Variants in ITGB5 observed in about 807,000 individuals in gnomAD.
ITGB5 encodes the protein integrin subunit beta 5, also known as integrin beta-5.
ITGB5 carries 38 observed loss-of-function variants against 84.8 expected under a neutral mutation model. The observed-to-expected ratio is 0.45, with a 90% CI of 0.35 to 0.59. The LOEUF is 0.59. Among genes scored for constraint, ITGB5 ranks in the 20% least tolerant of loss-of-function variants. The pLI is 0.01. For missense variants in ITGB5, 905 were observed against 1,034.5 expected, an observed-to-expected ratio of 0.87 and a Z score of 1.72; for synonymous variants, 393 against 414.4, an observed-to-expected ratio of 0.95 and a Z score of 0.63.
intron 10 of ITGB5, among the ~76,000 whole-genome samples, chr3:124,795,405 C>T (rs1445442871): frequency 1.3e-5 from 2 of 151,926 alleles, no homozygotes; most frequent in Non-Finnish European, 2.9e-5. Flanking sequence ...AGGAGAATTG[C>T]TTGAACCTGG....
In ITGB5 at chr3:124,819,814, C is replaced by G; in HGVS notation, c.963G>C (p.Leu321Phe). Residue 321 changes from leucine (L) to phenylalanine (F), a missense_variant, in exon 7 of 15, where the codon TTG (leucine) becomes TTC (phenylalanine). Physicochemically the swap from Leu to Phe is conservative, Grantham distance 22. Coordinates refer to ENST00000296181, the MANE Select transcript of ITGB5 (RefSeq NM_002213.5). ...SNQMDYPSLA[L>F]LGEKLAENNI... Reference sequence around the variant, plus strand: ...TGTTCTCTGCCAATTTCTCTCCAAGCAAGGCAAGGGATGGATAGTCCTAGG... The same window carrying G: ...TGTTCTCTGCCAATTTCTCTCCAAGGAAGGCAAGGGATGGATAGTCCTAGG... The G allele has an allele frequency of 6.2e-7, 1 of 1,613,990 alleles. No individual in the cohort carries two copies.
intron 12 of ITGB5, 31 bp from the exon 13 acceptor site, chr3:124,766,376 GTC>G (rs1326495706): frequency 1.9e-6 from 3 of 1,612,504 alleles, no homozygotes; most frequent in Non-Finnish European, 1.7e-6. Flanking sequence ...AATGGCCTGA[GTC>G]TCTCTGAGCA....
At chr3:124,885,896 G>C (rs897388463) in intron 1 of ITGB5, among the ~76,000 whole-genome samples, 7 of 152,228 alleles carry the variant, frequency 4.6e-5, no homozygotes, top group Admixed American at 1.3e-4. Flanking sequence ...GAGACACCGT[G>C]GGGGAACAGT....
chr3:124,785,562 G>C (rs536331619), intron 10 of ITGB5, among the ~76,000 whole-genome samples: 8 of 148,538 alleles, frequency 5.4e-5, no homozygotes, highest in Non-Finnish European at 1.2e-4. Context: ...TCCAGCCTGG[G>C]GAACAGAACG....
At chr3:124,898,643 C>CGAAAAAAAA (rs1935157227) in intron 1 of ITGB5, among the ~76,000 whole-genome samples, 1 of 29,270 alleles carries the variant, frequency 3.4e-5, no homozygotes, top group Non-Finnish European at 6.3e-5. Context: ...GACTCCGTCT[C>CGAAAAAAAA]AAAAAAAAAA....
intron 2 of ITGB5, among the ~76,000 whole-genome samples, chr3:124,860,499 C>T (rs2065280981): frequency 6.6e-6 from 1 of 152,150 alleles, no homozygotes; most frequent in African/African-American, 2.4e-5. Context: ...TGGGAGAAAG[C>T]TGGACATCAG....
upstream of ITGB5, among the ~76,000 whole-genome samples, chr3:124,890,863 CCTT>C (rs756283942): frequency 1.4e-4 from 21 of 151,978 alleles, no homozygotes; most frequent in Middle Eastern, 3.4e-3. Flanking sequence ...TTTTCTTGTC[CCTT>C]CTTCTTCTTC....
At chr3:124,775,296 G>A (rs966008519) in intron 10 of ITGB5, among the ~76,000 whole-genome samples, 1 of 143,100 alleles carries the variant, frequency 7.0e-6, no homozygotes, top group African/African-American at 2.5e-5. Flanking sequence ...GGGTGCAAGT[G>A]TGCATGAGTG....
intron 2 of ITGB5, among the ~76,000 whole-genome samples, chr3:124,866,750 G>C (rs377122386): frequency 2.0e-5 from 3 of 152,292 alleles, no homozygotes; most frequent in African/African-American, 7.2e-5. Context: ...GCTCCAACTT[G>C]GCAGAACCCT....
intron 11 of ITGB5, among the ~76,000 whole-genome samples, chr3:124,771,246 G>A (rs2063839273): frequency 6.6e-6 from 1 of 152,102 alleles, no homozygotes; most frequent in Admixed American, 6.6e-5. Context: ...TGGTTAGTTA[G>A]ATCCAGAAAA....
intron 3 of ITGB5, among the ~76,000 whole-genome samples, chr3:124,858,915 A>G (rs148342460): frequency 6.6e-6 from 1 of 152,394 alleles, no homozygotes; most frequent in East Asian, 1.9e-4. Flanking sequence ...TGTTCCGGAA[A>G]TAGATACTGC....
At chr3:124,897,642 A>G (rs1404391049) in intron 1 of ITGB5, among the ~76,000 whole-genome samples, 2 of 152,100 alleles carry the variant, frequency 1.3e-5, no homozygotes, top group Non-Finnish European at 2.9e-5. Flanking sequence ...ACATAGCAAG[A>G]CCCCATCTCT....
At chr3:124,804,220 T>C (rs996260476) in intron 9 of ITGB5, among the ~76,000 whole-genome samples, 1 of 152,222 alleles carries the variant, frequency 6.6e-6, no homozygotes, top group Non-Finnish European at 1.5e-5. Flanking sequence ...GCTTGTCACT[T>C]TTCTTTTTCA....
At chr3:124,841,599 T>A (rs1430105667) in intron 4 of ITGB5, 48 bp from the exon 5 acceptor site, 2 of 1,589,968 alleles carry the variant, frequency 1.3e-6, no homozygotes, top group Admixed American at 1.7e-5. Context: ...TGTCTGTAAA[T>A]CTTAACCAAG....
chr3:124,896,763 A>G (rs572398071), intron 1 of ITGB5, among the ~76,000 whole-genome samples: 3 of 145,032 alleles, frequency 2.1e-5, no homozygotes, highest in Non-Finnish European at 4.6e-5. Context: ...AAAAAAAAAA[A>G]GGGAGAAGAA....
In ITGB5 at chr3:124,821,280, A is replaced by G. The variant is rs372849693; in HGVS notation, c.942+33T>C. Reference sequence around the variant, plus strand: ...CACGGGCAGGGTCACAAGAGAGGCAACAGGGAGGGGGGATCTGGTTCCCGG... The same window carrying G: ...CACGGGCAGGGTCACAAGAGAGGCAGCAGGGAGGGGGGATCTGGTTCCCGG... On this transcript the variant is annotated intron_variant, in intron 6 of 14. Transcript: ENST00000296181. 149 of 1,591,620 alleles carry G rather than the reference A, an allele frequency of 9.4e-5. No homozygotes were observed. The South Asian group carries it at 1.6e-3, about 17-fold the overall frequency.
chr3:124,870,450 C>T (rs1173095395), intron 2 of ITGB5, among the ~76,000 whole-genome samples: 3 of 152,188 alleles, frequency 2.0e-5, no homozygotes, highest in East Asian at 1.9e-4. Context: ...CTGCCCCAGT[C>T]GGGCATGGTG....
chr3:124,865,984 A>C (rs1359710992), intron 2 of ITGB5, among the ~76,000 whole-genome samples: 1 of 151,370 alleles, frequency 6.6e-6, no homozygotes, highest in Non-Finnish European at 1.5e-5. Context: ...TTAACACCTG[A>C]CTCCATATAT....
intron 2 of ITGB5, among the ~76,000 whole-genome samples, chr3:124,868,619 A>AG (rs2065429776): frequency 1.0e-4 from 1 of 9,956 alleles, no homozygotes; most frequent in Non-Finnish European, 1.8e-4. Flanking sequence ...GTTCTCTACC[A>AG]AAAAAAAAAA....
Sources: gnomAD v4.1 joint callset for allele counts (sites outside exome capture counted in the v4.1 genomes callset) on GRCh38, gnomAD v4.1.1 for gene constraint, MANE v1.5 for transcripts, NCBI Gene and HGNC (gene_info 2026-07-23, HGNC 2026-07-21) for gene names.